Variants in VWCE observed in about 807,000 individuals in gnomAD.
VWCE encodes von Willebrand factor C and EGF domains, also known as von Willebrand factor C and EGF domain-containing protein.
In VWCE, 68 loss-of-function variants were observed where a neutral mutation model predicts 102.9. The ratio of observed to expected loss-of-function variants is 0.66; its 90% CI spans 0.54 to 0.81. The LOEUF (loss-of-function observed/expected upper bound fraction) is 0.81, where lower values mean the gene tolerates loss of function less well. Ranked by LOEUF, VWCE falls within the 30% of genes least tolerant of loss-of-function variation. The probability of loss-of-function intolerance (pLI) is 0.00; values close to 1 mark genes in which losing one functional copy is unlikely to be tolerated. For synonymous variants in VWCE, 497 were observed against 515.4 expected (o/e 0.96, Z 0.48); for missense variants, 1,137 against 1,263.6 (o/e 0.90, Z 1.52).
In VWCE at chr11:61,258,449, G is replaced by C. The variant is rs145937855; in HGVS notation, c.*226C>G. 8.8e-4 allele frequency: 368 copies of C among 417,172 alleles called. 3 individuals carry two copies. Among genetic ancestry groups the C allele is most frequent in the African/African-American group, 7.1e-3 (345 of 48,486 alleles). The allele number at this position is 417,172 out of a possible 1,614,324, so 25.8% of individuals were successfully genotyped here. A position where few individuals can be genotyped will look rare whatever the true frequency, so the allele number is the denominator to read the frequency against. On this transcript the variant is annotated 3_prime_UTR_variant, in exon 20 of 20. Transcript: ENST00000335613. ...AGATGAGCCAGCCACGCGGTCCAGG[G>C]AGGATGCTGACAGTGGAAACGACTT...
At chr11:61,278,757 G>C (rs1469807780) in intron 9 of VWCE, among the ~76,000 whole-genome samples, 1 of 152,150 alleles carries the variant, frequency 6.6e-6, no homozygotes, top group Admixed American at 6.5e-5. Context: ...TTCAAAACCT[G>C]AGGCCAGGTG....
chr11:61,259,281 C>G lies in VWCE; in HGVS notation c.2262G>C (p.Gly754=). The change falls in exon 20 of 20, where the codon GGG becomes GGC. Residue 754 remains glycine, a synonymous_variant. Coordinates refer to ENST00000335613, the MANE Select transcript of VWCE (RefSeq NM_152718.2). ...DSLSPLEEKQ[G]LSPHGNVAFS... is the part of the protein sequence containing the mutation. ...ATGCCACATTTCCGTGAGGGGAGAG[C>G]CCCTGCTTTTCTTCCAGAGGAGACA... 1.3e-6 allele frequency: 2 copies of G among 1,595,300 alleles called. No homozygotes were observed. Among genetic ancestry groups the G allele is most frequent in the Non-Finnish European group, 1.7e-6 (2 of 1,169,426 alleles).
rs1480913522 is a variant in VWCE at position 61,294,555 on chromosome 11, G to C, written c.110+373C>G. On this transcript the variant is annotated intron_variant, in intron 1 of 19. Transcript: ENST00000335613. This position sits in a 1 kb window ranked among gnomAD's most constrained non-coding sequence, Gnocchi z 6.3. Reference sequence around the variant, plus strand: ...CCCCGCGCGGCAGGGGAGGCCAGGCGCTGCCCGGGCAGAGCCACGGGCACG... The same window carrying C: ...CCCCGCGCGGCAGGGGAGGCCAGGCCCTGCCCGGGCAGAGCCACGGGCACG... Among the ~76,000 whole-genome samples, 1 of 152,166 alleles carries C rather than the reference G, an allele frequency of 6.6e-6. No homozygotes were observed. The highest frequency in any genetic ancestry group is 2.1e-4 in the South Asian group (1 of 4,828).
chr11:61,285,453 A>C (rs1340807428), intron 5 of VWCE, among the ~76,000 whole-genome samples: 1 of 152,152 alleles, frequency 6.6e-6, no homozygotes, highest in Non-Finnish European at 1.5e-5. Flanking sequence ...GGGTTTTCCC[A>C]ACACTTATCC....
At position 61,265,055 on chromosome 11, in the gene VWCE, G is replaced by A; in HGVS notation, c.2057-17C>T. On this transcript the variant is annotated splice_polypyrimidine_tract_variant and intron_variant, in intron 17 of 19. Transcript: ENST00000335613. ...AGTTGCAGTCTGTGGAGGAAGGGGA[G>A]ACAGGAGCCCATGAGAGCCGAGGCC... The A allele has an allele frequency of 5.6e-6, 9 of 1,614,126 alleles. No homozygotes were observed. The highest frequency in any genetic ancestry group is 7.6e-6 in the Non-Finnish European group (9 of 1,180,024).
At chr11:61,283,299 G>A (rs1370912175) in intron 5 of VWCE, among the ~76,000 whole-genome samples, 1 of 152,170 alleles carries the variant, frequency 6.6e-6, no homozygotes, top group Non-Finnish European at 1.5e-5. Flanking sequence ...TCATCTTAGG[G>A]TAAGACAGCA....
At chr11:61,278,530 A>C in intron 9 of VWCE, 54 bp from the exon 10 acceptor site, 1 of 1,541,978 alleles carries the variant, frequency 6.5e-7, no homozygotes, top group Non-Finnish European at 9.0e-7. Flanking sequence ...AGAAGAGGAA[A>C]CTTGAGGTCT....
chr11:61,283,861 G>T (rs1452645491), intron 5 of VWCE, among the ~76,000 whole-genome samples: 1 of 152,194 alleles, frequency 6.6e-6, no homozygotes, highest in African/African-American at 2.4e-5. Context: ...CTCTGTAAAA[G>T]TTCCCTAGTG....
At chr11:61,263,846 T>A (rs1336547190) in intron 19 of VWCE, among the ~76,000 whole-genome samples, 1 of 152,150 alleles carries the variant, frequency 6.6e-6, no homozygotes, top group South Asian at 2.1e-4. Flanking sequence ...AGATTACTCT[T>A]CTGCAAAACG....
intron 5 of VWCE, among the ~76,000 whole-genome samples, chr11:61,284,685 C>T (rs1394095024): frequency 2.0e-5 from 3 of 152,212 alleles, no homozygotes; most frequent in African/African-American, 7.2e-5. Context: ...GGGTGGCTCA[C>T]GCCTGTAATC....
intron 19 of VWCE, among the ~76,000 whole-genome samples, chr11:61,259,786 A>T (rs923301412): frequency 1.3e-5 from 2 of 152,086 alleles, no homozygotes; most frequent in Non-Finnish European, 2.9e-5. Context: ...TGTACTTTCC[A>T]CTCAATTTTG....
chr11:61,294,961 C>A lies in VWCE; in HGVS notation c.77G>T (p.Gly26Val). The change falls in exon 1 of 20, where the codon GGG (glycine) becomes GTG (valine). Residue 26 changes from glycine (G) to valine (V), a missense_variant. Physicochemically the swap from Gly to Val is moderately radical, Grantham distance 109. Transcript: ENST00000335613. The surrounding 1 kb of genome is among the most constrained non-coding windows in gnomAD (Gnocchi z 6.3). ...CGCGAAGTGCCCGGGCGGCTTCCTC[C>A]CGGTGTAGCCTCGGGCTGGTGCCCC... ...LPGAPARGYTGRKPPGHFAAE... is the reference protein window; with the variant it reads ...LPGAPARGYTVRKPPGHFAAE... 6.8e-7 allele frequency: 1 copy of A among 1,462,676 alleles called. No homozygotes were observed. The highest frequency in any genetic ancestry group is 9.0e-7 in the Non-Finnish European group (1 of 1,106,740). The allele number at this position is 1,462,676 out of a possible 1,614,324, so 90.6% of individuals were successfully genotyped here.
At chr11:61,289,148 A>T (rs1032734705) in intron 4 of VWCE, among the ~76,000 whole-genome samples, 1 of 151,852 alleles carries the variant, frequency 6.6e-6, no homozygotes, top group African/African-American at 2.4e-5. Context: ...CTATGGCAGC[A>T]TTATTTATAC....
At position 61,290,888 on chromosome 11, in the gene VWCE, G is replaced by T; in HGVS notation, c.335C>A (p.Thr112Asn). The change falls in exon 4 of 20, where the codon ACC becomes AAC. Residue 112 changes from threonine (T) to asparagine (N), a missense_variant. By Grantham distance (65) the Thr-to-Asn change is moderately conservative. This residue lies in a region of VWCE where 575 missense variants were observed against 625.9 expected (regional missense o/e 0.92). Transcript: ENST00000335613. ...CTCCTGACAGCCTCCATGGTTGCAG[G>T]TAAGGTCACAGCCGTACTCCCCACA... ...GPCGEYGCDL[T>N]CNHGGCQEVA... The T allele has an allele frequency of 6.2e-7, 1 of 1,613,896 alleles. No homozygotes were observed. The highest frequency in any genetic ancestry group is 8.5e-7 in the Non-Finnish European group (1 of 1,180,020).
chr11:61,273,347 G>A (rs747963089), intron 12 of VWCE, 31 bp from the exon 13 acceptor site: 67 of 1,567,752 alleles, frequency 4.3e-5, no homozygotes, highest in Non-Finnish European at 5.7e-5. Flanking sequence ...AGAATGATGA[G>A]GGCGGCACCC....
At chr11:61,277,008 AAGG>A (rs1407853760) in intron 10 of VWCE, among the ~76,000 whole-genome samples, 1 of 101,954 alleles carries the variant, frequency 9.8e-6, no homozygotes, top group African/African-American at 4.1e-5. Flanking sequence ...CAGAGGAAGG[AAGG>A]AGGGAGGGAG....
intron 15 of VWCE, 142 bp downstream of exon 15, chr11:61,268,780 C>A: frequency 1.3e-6 from 1 of 775,398 alleles, no homozygotes. Flanking sequence ...GTAAACTGTT[C>A]TACCTCAGTT....
chr11:61,271,175 C>T (rs1285480906), intron 14 of VWCE: 1 of 154,502 alleles, frequency 6.5e-6, no homozygotes, highest in Non-Finnish European at 1.4e-5. Flanking sequence ...GAGACTCCTT[C>T]TTGCTTTGTC....
At position 61,271,662 on chromosome 11, in the gene VWCE, G is replaced by C. The variant is rs770078692; in HGVS notation, c.1785+13C>G. 1 of 1,607,850 alleles carries C rather than the reference G, an allele frequency of 6.2e-7. No individual in the cohort carries two copies. The highest frequency in any genetic ancestry group is 1.7e-5 in the Admixed American group (1 of 59,240). ...CAGGTAAAGCAGCTGAAGGCGAGCAGGTTGTCATTCACCTGGCAGATGCAT... is the reference window on the plus strand; with the variant it reads ...CAGGTAAAGCAGCTGAAGGCGAGCACGTTGTCATTCACCTGGCAGATGCAT... On this transcript the variant is annotated intron_variant, in intron 14 of 19. Transcript: ENST00000335613.
Sources: gnomAD v4.1 joint callset for allele counts (sites outside exome capture counted in the v4.1 genomes callset) on GRCh38, gnomAD v4.1.1 for gene constraint, gnomAD v4.1.1 regional missense constraint, Gnocchi (gnomAD v3.1) non-coding constraint, MANE v1.5 for transcripts, NCBI Gene and HGNC (gene_info 2026-07-23, HGNC 2026-07-21) for gene names.